The following FKBP15 variants were observed in gnomAD, a reference collection of about 807,000 sequenced individuals.
The protein encoded by FKBP15 is FKBP prolyl isomerase family member 15, also known as FK506-binding protein 15.
A neutral mutation model predicts 158.1 loss-of-function variants in FKBP15; 106 were observed. The ratio of observed to expected loss-of-function variants is 0.67; its 90% confidence interval spans 0.57 to 0.79. FKBP15 has a LOEUF of 0.79. Ranked by LOEUF, FKBP15 falls within the 30% of genes least tolerant of loss-of-function variation. FKBP15 has a pLI of 0.00. For missense variants in FKBP15, 1,287 were observed against 1,479.1 expected (o/e 0.87, Z 2.13); for synonymous variants, 547 against 548.6 (o/e 1.00, Z 0.04).
rs142720138 is a variant in FKBP15 at position 113,174,636 on chromosome 9, AG to A, written c.2224-54del. On this transcript the variant is annotated intron_variant, in intron 21 of 27. Transcript: ENST00000238256. ...TCTAGCTTGTTAACAGAGAATAAAG[AG>A]GGATGATGGCGGTGGCAGTTAATTA... is the stretch of plus-strand genomic sequence containing the variant. The A allele has an allele frequency of 2.7e-3, 4,188 of 1,553,122 alleles. 84 individuals carry two copies. The African/African-American group carries it at 0.049, about 18-fold the overall frequency.
intron 1 of FKBP15, among the ~76,000 whole-genome samples, chr9:113,220,832 C>T (rs1011473687): frequency 6.6e-6 from 1 of 152,220 alleles, no homozygotes; most frequent in African/African-American, 2.4e-5. Context: ...GTGTCTTCGC[C>T]TTCTCCATGG....
At position 113,184,812 on chromosome 9, in the gene FKBP15, GA is replaced by G; in HGVS notation, c.1499-9del. 1.9e-6 allele frequency: 3 copies of G among 1,580,454 alleles called. No homozygotes were observed. The highest frequency in any genetic ancestry group is 2.6e-6 in the Non-Finnish European group (3 of 1,161,590). ...AAGCCATATCACCTGATCCTAAACA[GA>G]TACAAGCCAAAAAGAAACTTATGAA... On this transcript the variant is annotated splice_polypyrimidine_tract_variant and intron_variant, in intron 15 of 27. Coordinates refer to ENST00000238256, the MANE Select transcript of FKBP15 (RefSeq NM_015258.2). The surrounding 1 kb of genome is among the most constrained non-coding windows in gnomAD (Gnocchi z 4.5).
Position 113,184,644 on chromosome 9 carries a change from TC to T in FKBP15, c.1608+50del, listed in dbSNP as rs893217484. The T allele has an allele frequency of 2.9e-5, 41 of 1,431,652 alleles. No individual in the cohort carries two copies. The African/African-American group carries it at 4.8e-4, about 17-fold the overall frequency. 88.7% of individuals were successfully genotyped at this position (1,431,652 alleles called of 1,614,324 possible). A position where few individuals can be genotyped will look rare whatever the true frequency, so the allele number is the denominator to read the frequency against. On this transcript the variant is annotated intron_variant, in intron 16 of 27. Coordinates refer to ENST00000238256, the MANE Select transcript of FKBP15 (RefSeq NM_015258.2). This position sits in a 1 kb window ranked among gnomAD's most constrained non-coding sequence, Gnocchi z 4.5. ...AGAGTTTACCTACAGTTCTGGCTGCTCCCTGTTTACATCCCCACTTTCAACA... is the reference window on the plus strand; with the variant it reads ...AGAGTTTACCTACAGTTCTGGCTGCTCCTGTTTACATCCCCACTTTCAACA...
In FKBP15 at chr9:113,220,793, G is replaced by C. The variant is rs1017645954; in HGVS notation, c.53+398C>G. Among the ~76,000 whole-genome samples, 3 of 152,208 alleles carry C rather than the reference G, an allele frequency of 2.0e-5. No homozygotes were observed. The South Asian group carries it at 6.2e-4, about 31-fold the overall frequency. On this transcript the variant is annotated intron_variant, in intron 1 of 27. Transcript: ENST00000238256. ...CCGAGCTGGGCCTTGAAGAATGCTA[G>C]AGCTGACCCACCAAGGCCTGGTTCT...
In FKBP15 at chr9:113,174,547, G is replaced by A. The variant is rs376721902; in HGVS notation, c.2260C>T (p.Arg754Cys). ...SERKKKSAQE[R>C]SQAEEEIDEI... ...TCTATCTCCTCCTCGGCCTGAGAAC[G>A]CTCTTGAGCTGACTTCTTTTTCCTT... The change falls in exon 22 of 28, where the codon CGT becomes TGT. Residue 754 changes from arginine (R) to cysteine (C), a missense_variant. Coordinates refer to ENST00000238256, the MANE Select transcript of FKBP15 (RefSeq NM_015258.2). 1.7e-5 allele frequency: 28 copies of A among 1,613,782 alleles called. No homozygotes were observed. Among genetic ancestry groups the A allele is most frequent in the Admixed American group, 6.7e-5 (4 of 59,998 alleles).
chr9:113,181,438 T>C (rs4284097), intron 19 of FKBP15, among the ~76,000 whole-genome samples: 124,882 of 152,160 alleles, frequency 0.82, 51,340 homozygotes, highest in South Asian at 0.89. Context: ...CTTAAAAATG[T>C]TGCCCCTCCA....
At chr9:113,206,648 T>C in intron 3 of FKBP15, 70 bp from the exon 4 acceptor site, 1 of 1,164,368 alleles carries the variant, frequency 8.6e-7, no homozygotes, top group Non-Finnish European at 1.3e-6. Flanking sequence ...TTCTTTTCTG[T>C]CATACAGAAG....
In FKBP15 at chr9:113,173,588, A is replaced by C. The variant is rs753502617; in HGVS notation, c.2397T>G (p.Ala799=). Residue 799 remains alanine, a synonymous_variant, in exon 23 of 28, where the codon GCT becomes GCG. Transcript: ENST00000238256. ...TTGCTTCCCACTGGGTCTGTAGCTC[A>C]GCCTGTACTAAAGACAGCTGCCAAG... ...AAAEQLSLVQ[A]ELQTQWEAKC... is the part of the protein sequence containing the mutation. 2 of 1,613,906 alleles carry C rather than the reference A, an allele frequency of 1.2e-6. No individual in the cohort carries two copies. The highest frequency in any genetic ancestry group is 2.2e-5 in the South Asian group (2 of 91,068).
chr9:113,216,734 A>G (rs1831142339), intron 1 of FKBP15, among the ~76,000 whole-genome samples: 1 of 152,194 alleles, frequency 6.6e-6, no homozygotes, highest in Non-Finnish European at 1.5e-5. Flanking sequence ...AACCATGAGT[A>G]TTGGGCTTGC....
chr9:113,179,097 A>G (rs1460645717), intron 19 of FKBP15, among the ~76,000 whole-genome samples: 2 of 151,792 alleles, frequency 1.3e-5, no homozygotes, highest in Non-Finnish European at 2.9e-5. Flanking sequence ...ATGACACGAC[A>G]TAGCTCACTG....
In FKBP15 at chr9:113,190,573, G is replaced by T. The variant is rs142982699; in HGVS notation, c.1071C>A (p.Pro357=). 6.2e-7 allele frequency: 1 copy of T among 1,606,984 alleles called. No homozygotes were observed. The highest frequency in any genetic ancestry group is 2.2e-5 in the East Asian group (1 of 44,656). Residue 357 remains proline (P), a synonymous_variant, in exon 12 of 28, where the codon CCC becomes CCA. Transcript: ENST00000238256. The part of the protein sequence containing the change: ...LSEQLAINTS[P]DAVKAKLISR... ...AGATCAACTTGGCTTTGACTGCATCGGGACTCTAAAAAGAGAGGAAAGTCA... is the reference window on the plus strand; with the variant it reads ...AGATCAACTTGGCTTTGACTGCATCTGGACTCTAAAAAGAGAGGAAAGTCA...
chr9:113,215,198 G>C (rs953531635), intron 1 of FKBP15, among the ~76,000 whole-genome samples: 6 of 152,100 alleles, frequency 3.9e-5, no homozygotes, highest in Non-Finnish European at 7.4e-5. Context: ...CTAGCTTTTG[G>C]CCTATCTTTG....
chr9:113,170,724 C>T, intron 24 of FKBP15, 95 bp from the exon 25 acceptor site: 1 of 845,328 alleles, frequency 1.2e-6, no homozygotes, highest in South Asian at 1.3e-5. Flanking sequence ...ATGAAGCCAT[C>T]TTAGATCTCT....
intron 1 of FKBP15, among the ~76,000 whole-genome samples, chr9:113,218,214 A>G (rs1488915874): frequency 6.6e-6 from 1 of 151,936 alleles, no homozygotes; most frequent in Non-Finnish European, 1.5e-5. Context: ...AATAACAACA[A>G]TAGCACATAG....
chr9:113,217,856 T>G (rs1305331730), intron 1 of FKBP15, among the ~76,000 whole-genome samples: 1 of 151,862 alleles, frequency 6.6e-6, no homozygotes, highest in East Asian at 1.9e-4. Context: ...AATAAATAAA[T>G]AAACAAAAAT....
At chr9:113,176,420 C>G in intron 21 of FKBP15, 117 bp downstream of exon 21, 2 of 1,231,372 alleles carry the variant, frequency 1.6e-6, no homozygotes, top group Non-Finnish European at 2.2e-6. Flanking sequence ...TTTAATTTTA[C>G]ACTTTTCTAT....
At chr9:113,171,993 C>G (rs1232368710) in intron 23 of FKBP15, among the ~76,000 whole-genome samples, 1 of 145,056 alleles carries the variant, frequency 6.9e-6, no homozygotes, top group African/African-American at 2.5e-5. Flanking sequence ...TGCTATCCCT[C>G]CCCCCGTCCC....
chr9:113,194,132 CTG>C lies in FKBP15; in HGVS notation c.900_901del (p.His300GlnfsTer3). Reference sequence around the variant, plus strand: ...AGCTGCAGAATCGCGGGAACTAACACTGTGACCATCAGAGCCAGAATCTCTGG... The same window carrying C: ...AGCTGCAGAATCGCGGGAACTAACACTGACCATCAGAGCCAGAATCTCTGG... On this transcript the variant is annotated frameshift_variant, in exon 10 of 28. Transcript: ENST00000238256. LOFTEE classifies it high-confidence loss of function. The C allele has an allele frequency of 6.2e-7, 1 of 1,612,826 alleles. No individual in the cohort carries two copies. Among genetic ancestry groups the C allele is most frequent in the South Asian group, 1.1e-5 (1 of 90,992 alleles).
At position 113,161,414 on chromosome 9, in the gene FKBP15, AGGT is replaced by A; in HGVS notation, c.*4661_*4663del. ...GGGTGGGGAAGAAGGTGCAGGATAG[AGGT>A]GGATGGAGTGGATTCCATGAACAGG... On this transcript the variant is annotated 3_prime_UTR_variant, in exon 28 of 28. Coordinates refer to ENST00000238256, the MANE Select transcript of FKBP15 (RefSeq NM_015258.2). 9.2e-7 allele frequency: 1 copy of A among 1,092,260 alleles called. No individual in the cohort carries two copies. Among genetic ancestry groups the A allele is most frequent in the Non-Finnish European group, 1.4e-6 (1 of 721,612 alleles). 67.7% of individuals were successfully genotyped at this position (1,092,260 alleles called of 1,614,324 possible). A position where few individuals can be genotyped will look rare whatever the true frequency, so the allele number is the denominator to read the frequency against.
Sources: gnomAD v4.1 joint callset for allele counts (sites outside exome capture counted in the v4.1 genomes callset) on GRCh38, gnomAD v4.1.1 for gene constraint, Gnocchi (gnomAD v3.1) non-coding constraint, MANE v1.5 for transcripts, NCBI Gene and HGNC (gene_info 2026-07-23, HGNC 2026-07-21) for gene names.